The following TEX35 variants were observed in gnomAD, a reference collection of about 807,000 sequenced individuals.
The protein encoded by TEX35 is testis expressed 35.
A neutral mutation model predicts 31.9 loss-of-function variants in TEX35; 26 were observed. The observed-to-expected ratio is 0.81, with a 90% CI of 0.60 to 1.13. The LOEUF is 1.13. Ranked by LOEUF, TEX35 falls within the 50% of genes most tolerant of loss-of-function variation. The pLI, the probability that TEX35 is intolerant of heterozygous loss-of-function variation, is 0.00. For missense variants in TEX35, 278 were observed against 273.5 expected (o/e 1.02, Z -0.12); for synonymous variants, 87 against 90.7 (o/e 0.96, Z 0.23).
chr1:178,521,431 G>A, intron 8 of TEX35, 167 bp downstream of exon 8: 1 of 1,027,970 alleles, frequency 9.7e-7, no homozygotes, highest in African/African-American at 1.6e-5. Context: ...ACAGGATGTG[G>A]CACCAGGAAG....
At chr1:178,521,003 C>A (rs954960833) in intron 7 of TEX35, 129 bp downstream of exon 7, 1 of 1,541,018 alleles carries the variant, frequency 6.5e-7, no homozygotes. Context: ...TTCTGGGTGC[C>A]GCCCGAGCCT....
In TEX35 at chr1:178,520,723, A is replaced by G. The variant is rs35769219; in HGVS notation, c.392A>G (p.Lys131Arg). The change falls in exon 7 of 9, where the codon AAG becomes AGG. Residue 131 changes from lysine to arginine, a missense_variant. Lys to Arg is a conservative substitution (Grantham distance 26). Coordinates refer to ENST00000319416, the MANE Select transcript of TEX35 (RefSeq NM_032126.5). ...KEQQELRLMG[K>R]THREPQLRPK... ...CAGCAGGAACTCAGGCTGATGGGAA[A>G]GACTCACAGAGAACCACAGCTCAGG... 3.1e-4 allele frequency: 505 copies of G among 1,614,146 alleles called. 2 individuals are homozygous for G. The African/African-American group carries it at 6.0e-3, about 19-fold the overall frequency.
intron 5 of TEX35, among the ~76,000 whole-genome samples, chr1:178,518,904 G>C (rs1038873042): frequency 6.6e-6 from 1 of 152,068 alleles, no homozygotes; most frequent in Non-Finnish European, 1.5e-5. Context: ...TGGTCAGCAC[G>C]GGGATCAGTC....
chr1:178,522,030 G>A, intron 8 of TEX35: 2 of 673,280 alleles, frequency 3.0e-6, no homozygotes, highest in Non-Finnish European at 4.8e-6. Flanking sequence ...CATGGGGAGG[G>A]CCCCTGATGA....
In TEX35 at chr1:178,521,627, C is replaced by A. The variant is rs1240604842; in HGVS notation, c.586+363C>A. On this transcript the variant is annotated intron_variant, in intron 8 of 8. Coordinates refer to ENST00000319416, the MANE Select transcript of TEX35 (RefSeq NM_032126.5). ...CTTCTGGAGCTGCCTTCTGATTTAT[C>A]TGTACCTCAACCCCGGTGACATCGA... The A allele has an allele frequency of 1.4e-5, 22 of 1,552,206 alleles. No individual in the cohort carries two copies. In the Middle Eastern group the frequency reaches 6.6e-4, roughly 47 times the overall value.
chr1:178,519,211 AAAT>A (rs1295360196), intron 5 of TEX35, among the ~76,000 whole-genome samples: 1 of 152,018 alleles, frequency 6.6e-6, no homozygotes, highest in African/African-American at 2.4e-5. Context: ...AGGAAGAGAT[AAAT>A]CTGAAAGATG....
chr1:178,522,005 C>T (rs1033186846), intron 8 of TEX35: 41 of 733,260 alleles, frequency 5.6e-5, no homozygotes, highest in Non-Finnish European at 7.9e-5. Context: ...GGTCTGCAAA[C>T]GTCCCAGGTC....
chr1:178,514,308 G>C, intron 2 of TEX35: 2 of 1,392,858 alleles, frequency 1.4e-6, no homozygotes, highest in Middle Eastern at 1.9e-4. Flanking sequence ...TCAAGACAGG[G>C]AGACATGTCT....
Position 178,516,993 on chromosome 1 carries a change from A to G in TEX35, c.276+319A>G, listed in dbSNP as rs1650101927. Among the ~76,000 whole-genome samples the G allele has an allele frequency of 2.0e-5, 3 of 152,356 alleles. No homozygotes were observed. The South Asian group carries it at 6.2e-4, about 32-fold the overall frequency. ...GTAAGATTCTTTTTTAACTCAAAAA[A>G]TTACTAGGATGATCTAGATTCTAGA... On this transcript the variant is annotated intron_variant, in intron 5 of 8. Coordinates refer to ENST00000319416, the MANE Select transcript of TEX35 (RefSeq NM_032126.5).
At chr1:178,516,723 T>C (rs1298637234) in intron 5 of TEX35, 49 bp downstream of exon 5, 2 of 1,371,660 alleles carry the variant, frequency 1.5e-6, no homozygotes, top group Non-Finnish European at 2.0e-6. Context: ...TACTGGAAAC[T>C]GTGGAAGAGA....
intron 5 of TEX35, 116 bp from the exon 6 acceptor site, chr1:178,520,256 A>G (rs1423393806): frequency 1.9e-6 from 2 of 1,044,576 alleles, no homozygotes; most frequent in African/African-American, 3.2e-5. Context: ...ACCTCACCCA[A>G]GTCTAGCGAG....
At chr1:178,514,335 G>C in intron 2 of TEX35, 1 of 1,292,016 alleles carries the variant, frequency 7.7e-7, no homozygotes, top group Non-Finnish European at 1.0e-6. Context: ...CTGCCGTGGA[G>C]TGGGTGGTAG....
chr1:178,522,231 G>A, intron 8 of TEX35, 94 bp from the exon 9 acceptor site: 3 of 1,458,248 alleles, frequency 2.1e-6, no homozygotes, highest in Non-Finnish European at 2.7e-6. Flanking sequence ...TCAGGTCCCT[G>A]CTGCTCATAG....
At chr1:178,519,924 A>G (rs966489941) in intron 5 of TEX35, among the ~76,000 whole-genome samples, 2 of 152,208 alleles carry the variant, frequency 1.3e-5, no homozygotes, top group African/African-American at 4.8e-5. Flanking sequence ...TTTGTTGACC[A>G]TCTTTGCCAG....
At chr1:178,515,831 C>G in intron 3 of TEX35, 28 bp from the exon 4 acceptor site, 1 of 1,589,096 alleles carries the variant, frequency 6.3e-7, no homozygotes, top group Non-Finnish European at 8.6e-7. Flanking sequence ...TTTCTTTCCT[C>G]CTTCTCTTCT....
chr1:178,521,604 T>C (rs779471916), intron 8 of TEX35: 2 of 1,550,974 alleles, frequency 1.3e-6, no homozygotes, highest in Non-Finnish European at 8.7e-7. Context: ...ACCCTTGGCT[T>C]CTGGAGCTGC....
intron 6 of TEX35, 92 bp downstream of exon 6, chr1:178,520,528 A>T (rs750446237): frequency 3.0e-5 from 48 of 1,608,864 alleles, no homozygotes; most frequent in Admixed American, 6.7e-5. Flanking sequence ...GGACACCCAG[A>T]CTCTTGGAGG....
intron 5 of TEX35, 34 bp downstream of exon 5, chr1:178,516,708 T>A: frequency 4.0e-6 from 6 of 1,502,814 alleles, no homozygotes; most frequent in Non-Finnish European, 5.5e-6. Flanking sequence ...CATGGGCCAG[T>A]ACCATACTGG....
chr1:178,521,460 G>A, intron 8 of TEX35, 196 bp downstream of exon 8: 1 of 1,014,162 alleles, frequency 9.9e-7, no homozygotes, highest in Non-Finnish European at 1.5e-6. Flanking sequence ...GGGTCACCCA[G>A]CCTAGAGGCT....
Sources: allele counts gnomAD v4.1 joint callset (sites outside exome capture counted in the v4.1 genomes callset), GRCh38; gene constraint gnomAD v4.1.1; transcripts MANE v1.5; gene names NCBI Gene and HGNC (gene_info 2026-07-23, HGNC 2026-07-21).